Variants in RAPGEF5 observed in about 807,000 individuals in gnomAD.
The protein encoded by RAPGEF5 is Rap guanine nucleotide exchange factor 5.
A neutral mutation model predicts 125.2 loss-of-function variants in RAPGEF5; 65 were observed. The ratio of observed to expected loss-of-function variants is 0.52; its 90% CI spans 0.43 to 0.64. The LOEUF (loss-of-function observed/expected upper bound fraction) is 0.64, where lower values mean the gene tolerates loss of function less well. Among genes scored for constraint, RAPGEF5 ranks in the 30% least tolerant of loss-of-function variants. The pLI is 0.00. For synonymous variants in RAPGEF5, 391 were observed against 385.9 expected (o/e 1.01, Z -0.16); for missense variants, 958 against 1,048.1 (o/e 0.91, Z 1.19).
chr7:22,347,353 G>C (rs1026484795), intron 1 of RAPGEF5, among the ~76,000 whole-genome samples: 5 of 152,090 alleles, frequency 3.3e-5, no homozygotes, highest in Non-Finnish European at 2.9e-5. Context: ...TGTTAAAGCT[G>C]TGATTTACTA....
chr7:22,331,744 CAAAA>C (rs11406166), intron 1 of RAPGEF5, among the ~76,000 whole-genome samples: 5 of 94,904 alleles, frequency 5.3e-5, no homozygotes, highest in Non-Finnish European at 8.3e-5. Flanking sequence ...GACTCCATCT[CAAAA>C]AAAAAAAAAA....
At chr7:22,197,256 T>C (rs1021670347) in intron 9 of RAPGEF5, among the ~76,000 whole-genome samples, 1 of 152,210 alleles carries the variant, frequency 6.6e-6, no homozygotes, top group African/African-American at 2.4e-5. Flanking sequence ...GGAAATTTCA[T>C]TCTAAAGGAA....
intron 7 of RAPGEF5, among the ~76,000 whole-genome samples, chr7:22,238,444 A>G (rs1786246233): frequency 6.6e-6 from 1 of 152,242 alleles, no homozygotes; most frequent in South Asian, 2.1e-4. Context: ...ATAAAATCAC[A>G]TTGCCCAGAC....
intron 9 of RAPGEF5, chr7:22,194,609 G>A: frequency 1.0e-6 from 1 of 984,752 alleles, no homozygotes; most frequent in Non-Finnish European, 1.2e-6. Context: ...ACTTGAGATG[G>A]CCTTCAAATT....
intron 1 of RAPGEF5, among the ~76,000 whole-genome samples, chr7:22,333,355 C>T (rs1332639597): frequency 3.3e-5 from 5 of 152,060 alleles, no homozygotes; most frequent in Admixed American, 2.6e-4. Flanking sequence ...ATGGGATATA[C>T]TTAGTCATTA....
At chr7:22,203,889 A>G (rs1192867405) in intron 9 of RAPGEF5, among the ~76,000 whole-genome samples, 2 of 152,216 alleles carry the variant, frequency 1.3e-5, no homozygotes, top group African/African-American at 4.8e-5. Flanking sequence ...ATGAGGATGC[A>G]GAAATCTAAA....
intron 1 of RAPGEF5, among the ~76,000 whole-genome samples, chr7:22,347,420 T>C (rs530216797): frequency 3.3e-4 from 51 of 152,336 alleles, no homozygotes; most frequent in African/African-American, 1.2e-3. Context: ...TGGCTTACCA[T>C]AGTTCCTTTA....
intron 9 of RAPGEF5, among the ~76,000 whole-genome samples, chr7:22,197,217 G>C (rs1161232166): frequency 6.6e-6 from 1 of 152,152 alleles, no homozygotes; most frequent in Non-Finnish European, 1.5e-5. Flanking sequence ...AACTGTGAGT[G>C]AACAAGGAGG....
At chr7:22,312,567 C>A (rs1452892452) in intron 3 of RAPGEF5, among the ~76,000 whole-genome samples, 2 of 152,134 alleles carry the variant, frequency 1.3e-5, no homozygotes, top group African/African-American at 4.8e-5. Flanking sequence ...GCCCCAATCC[C>A]CCAGATCCCC....
At chr7:22,312,461 G>A (rs1199783529) in intron 3 of RAPGEF5, among the ~76,000 whole-genome samples, 4 of 151,832 alleles carry the variant, frequency 2.6e-5, no homozygotes, top group African/African-American at 7.3e-5. Context: ...CACCAGCTTC[G>A]GCCTCCCAAA....
intron 12 of RAPGEF5, among the ~76,000 whole-genome samples, chr7:22,166,069 C>T (rs1210347975): frequency 6.9e-6 from 1 of 145,114 alleles, no homozygotes; most frequent in East Asian, 2.0e-4. Flanking sequence ...ATATTATATA[C>T]ATATATATGT....
rs1479037207 is a variant in RAPGEF5, at chr7:22,121,373, T to C, written c.*1033A>G. The C allele has an allele frequency of 6.6e-6, 1 of 152,186 alleles. No individual in the cohort carries two copies. The highest frequency in any genetic ancestry group is 1.5e-5 in the Non-Finnish European group (1 of 68,042). 9.4% of individuals were successfully genotyped at this position (152,186 alleles called of 1,614,324 possible). Reference sequence around the variant, plus strand: ...TTGCCAAAACACTAGTAATTACCACTATCTTATTACCTAGAGAGTGCTAAG... The same window carrying C: ...TTGCCAAAACACTAGTAATTACCACCATCTTATTACCTAGAGAGTGCTAAG... On this transcript the variant is annotated 3_prime_UTR_variant, in exon 26 of 26. Coordinates refer to ENST00000665637, the MANE Select transcript of RAPGEF5 (RefSeq NM_012294.5).
chr7:22,145,084 G>A lies in RAPGEF5; in HGVS notation c.2146C>T (p.Arg716Ter). 4 of 1,613,720 alleles carry A rather than the reference G, an allele frequency of 2.5e-6. No individual in the cohort carries two copies. The highest frequency in any genetic ancestry group is 2.2e-5 in the South Asian group (2 of 91,030). The change falls in exon 20 of 26, where the codon CGA becomes TGA. Residue 716 changes from arginine to a stop codon, truncating the protein, a stop_gained. Coordinates refer to ENST00000665637, the MANE Select transcript of RAPGEF5 (RefSeq NM_012294.5). LOFTEE classifies it high-confidence loss of function. The part of the protein sequence containing the change: ...EILLCSQLGK[R>*]VQLVKKFIKI... ...ATGAATTTTTTCACCAGCTGCACTC[G>A]CTTGCCCAGCTGGCTGCAGAGCAGA...
chr7:22,356,515 C>G (rs1210307152), intron 1 of RAPGEF5: 1 of 158,606 alleles, frequency 6.3e-6, no homozygotes, highest in Non-Finnish European at 1.4e-5. Flanking sequence ...TGGACACCTG[C>G]AGCTTCCCCT....
chr7:22,224,470 A>G (rs1038051294), intron 8 of RAPGEF5, among the ~76,000 whole-genome samples: 1 of 152,140 alleles, frequency 6.6e-6, no homozygotes. Flanking sequence ...TTTCCATGTC[A>G]TCTGCACAGT....
At chr7:22,264,806 C>CT (rs1782242438) in intron 7 of RAPGEF5, among the ~76,000 whole-genome samples, 1 of 152,262 alleles carries the variant, frequency 6.6e-6, no homozygotes, top group African/African-American at 2.4e-5. Flanking sequence ...CATGCTACAA[C>CT]TTTTTTATTA....
chr7:22,231,434 C>A (rs1330831070), intron 7 of RAPGEF5, among the ~76,000 whole-genome samples: 2 of 152,184 alleles, frequency 1.3e-5, no homozygotes, highest in African/African-American at 4.8e-5. Flanking sequence ...AAGCCCTTAT[C>A]ACCCTTTCTT....
At chr7:22,230,755 T>TAA in intron 8 of RAPGEF5, 91 bp downstream of exon 8, 2 of 1,210,238 alleles carry the variant, frequency 1.7e-6, no homozygotes, top group Non-Finnish European at 2.3e-6. Flanking sequence ...ACATAAAAGG[T>TAA]AAAACCTATA....
chr7:22,338,208 A>T (rs1448933786), intron 1 of RAPGEF5, among the ~76,000 whole-genome samples: 3 of 152,210 alleles, frequency 2.0e-5, no homozygotes, highest in African/African-American at 7.2e-5. Context: ...GTTACAACCC[A>T]AATTATTAGT....
Sources: gnomAD v4.1 joint callset for allele counts (sites outside exome capture counted in the v4.1 genomes callset) on GRCh38, gnomAD v4.1.1 for gene constraint, MANE v1.5 for transcripts, NCBI Gene and HGNC (gene_info 2026-07-23, HGNC 2026-07-21) for gene names.